SQOR: variants seen among roughly 807,000 people sequenced by gnomAD.
SQOR encodes sulfide:quinone oxidoreductase, mitochondrial.
A neutral mutation model predicts 48.6 loss-of-function variants in SQOR; 39 were observed. That is an observed-to-expected ratio of 0.80 (90% CI 0.62 to 1.05). The LOEUF (loss-of-function observed/expected upper bound fraction) is 1.05. SQOR is among the 50% of genes least tolerant of loss of function. SQOR has a pLI of 0.00. For synonymous variants in SQOR, 220 were observed against 206.2 expected, an observed-to-expected ratio of 1.07 and a Z score of -0.57; for missense variants, 561 against 559.9, an observed-to-expected ratio of 1.00 and a Z score of -0.02.
rs553168322 is a variant in SQOR, at chr15:45,659,817, G to A, written c.234+660G>A. 2.0e-5 allele frequency among the ~76,000 whole-genome samples: 3 copies of A among 152,300 alleles called. No individual in the cohort carries two copies. In the East Asian group the frequency reaches 5.8e-4, roughly 29 times the overall value. ...TAAGGTTACATTCCCAGGTACTGGGGTTAGAACGTCAACATCCTTCTTTGA... is the reference window on the plus strand; with the variant it reads ...TAAGGTTACATTCCCAGGTACTGGGATTAGAACGTCAACATCCTTCTTTGA... On this transcript the variant is annotated intron_variant, in intron 2 of 9. Coordinates refer to ENST00000260324, the MANE Select transcript of SQOR (RefSeq NM_021199.4).
At chr15:45,687,377 G>A (rs138114990) in intron 7 of SQOR, among the ~76,000 whole-genome samples, 61 of 152,334 alleles carry the variant, frequency 4.0e-4, no homozygotes, top group African/African-American at 1.5e-3. Flanking sequence ...CTCCCAAAGT[G>A]TTGGGATTAC....
chr15:45,685,635 C>G (rs1890209053), intron 7 of SQOR, among the ~76,000 whole-genome samples: 1 of 152,318 alleles, frequency 6.6e-6, no homozygotes, highest in Admixed American at 6.5e-5. Flanking sequence ...CCTGGCTCCA[C>G]AGGCCTCACC....
At chr15:45,674,106 A>G (rs1479617645) in intron 5 of SQOR, 1 of 336,826 alleles carries the variant, frequency 3.0e-6, no homozygotes, top group Non-Finnish European at 5.5e-6. Context: ...GTAATATTAA[A>G]TAGTCTTTGT....
At chr15:45,632,950 A>AAAAAT (rs1555399772), upstream of SQOR, among the ~76,000 whole-genome samples, 3 of 151,920 alleles carry the variant, frequency 2.0e-5, no homozygotes, top group African/African-American at 7.3e-5. Context: ...ACAAAAAAAA[A>AAAAAT]AAATAAATAA....
chr15:45,651,248 C>T lies in SQOR; in HGVS notation c.-17-7659C>T, dbSNP rs946434484. Among the ~76,000 whole-genome samples, 87 of 152,190 alleles carry T rather than the reference C, an allele frequency of 5.7e-4. 1 individual carries two copies. The highest frequency in any genetic ancestry group is 1.1e-3 in the Non-Finnish European group (72 of 67,996). The stretch of plus-strand genomic sequence containing the variant: ...GGTGCACCCTCCGCAGCTGCTGGCC[C>T]GTGCTAAGCCCCTCACTGCCCGGGC... On this transcript the variant is annotated intron_variant, in intron 1 of 9. Coordinates refer to ENST00000260324, the MANE Select transcript of SQOR (RefSeq NM_021199.4).
intron 1 of SQOR, among the ~76,000 whole-genome samples, chr15:45,648,183 G>GTT (rs917863011): frequency 5.5e-5 from 8 of 145,806 alleles, no homozygotes; most frequent in Non-Finnish European, 1.1e-4. Flanking sequence ...TTGTTTTTTT[G>GTT]TTTTTTTTTT....
intron 2 of SQOR, among the ~76,000 whole-genome samples, chr15:45,660,425 T>G (rs1007173424): frequency 6.6e-6 from 1 of 152,146 alleles, no homozygotes; most frequent in African/African-American, 2.4e-5. Context: ...TGGCTACTGT[T>G]TCTGGTATAT....
rs199775698 is a variant in SQOR, at chr15:45,666,507, AGTT to A, written c.406-3415_406-3413del. ...ATAATAGTACCTAGATACCTTATGAAGTTGTTGTGAGTGTTAAATGAATGAAAC... is the reference window on the plus strand; with the variant it reads ...ATAATAGTACCTAGATACCTTATGAAGTTGTGAGTGTTAAATGAATGAAAC... On this transcript the variant is annotated intron_variant, in intron 3 of 9. Transcript: ENST00000260324. 4.6e-5 allele frequency among the ~76,000 whole-genome samples: 7 copies of A among 152,186 alleles called. No homozygotes were observed. In the East Asian group the frequency reaches 1.3e-3, roughly 29 times the overall value.
At chr15:45,654,974 A>G (rs915275293) in intron 1 of SQOR, among the ~76,000 whole-genome samples, 1 of 152,218 alleles carries the variant, frequency 6.6e-6, no homozygotes, top group African/African-American at 2.4e-5. Flanking sequence ...TCCTTACTGT[A>G]CACATGGCTG....
chr15:45,670,654 C>T (rs766274930), intron 4 of SQOR, among the ~76,000 whole-genome samples: 9 of 152,294 alleles, frequency 5.9e-5, no homozygotes, highest in South Asian at 2.1e-4. Context: ...CTGTGCTAAC[C>T]GGGTAACAAG....
At chr15:45,649,879 C>G (rs768582144) in intron 1 of SQOR, among the ~76,000 whole-genome samples, 11 of 151,836 alleles carry the variant, frequency 7.2e-5, no homozygotes, top group Admixed American at 2.6e-4. Context: ...TTTTTTGAGA[C>G]AGTCTTCCTG....
chr15:45,681,720 C>A (rs1052908945), intron 6 of SQOR, among the ~76,000 whole-genome samples: 5 of 152,028 alleles, frequency 3.3e-5, no homozygotes, highest in African/African-American at 1.2e-4. Context: ...TAAGAACCAA[C>A]TACAAAACGT....
At chr15:45,639,487 A>C (rs1352092283) in intron 1 of SQOR, among the ~76,000 whole-genome samples, 2 of 152,252 alleles carry the variant, frequency 1.3e-5, no homozygotes, top group Admixed American at 6.5e-5. Context: ...GCTGGGAACC[A>C]GCAGCTCTGG....
chr15:45,632,382 G>A (rs908124153), upstream of SQOR, among the ~76,000 whole-genome samples: 2 of 151,910 alleles, frequency 1.3e-5, no homozygotes. Context: ...ACAATGCCCG[G>A]CTAATTTTTT....
chr15:45,642,025 TAACA>T (rs1182878865), intron 1 of SQOR, among the ~76,000 whole-genome samples: 1 of 152,200 alleles, frequency 6.6e-6, no homozygotes, highest in African/African-American at 2.4e-5. Context: ...TTTCCTGTTA[TAACA>T]GACAGACTCT....
Position 45,682,518 on chromosome 15 carries a change from A to C in SQOR, c.905A>C (p.Asp302Ala). Residue 302 changes from aspartate to alanine, a missense_variant, in exon 7 of 10, where the codon GAT (aspartate) becomes GCT (alanine). By Grantham distance (126) the Asp-to-Ala change is moderately radical (BLOSUM62 -2). Coordinates refer to ENST00000260324, the MANE Select transcript of SQOR (RefSeq NM_021199.4). ...GTCACACCTCCAATGAGCCCACCAG[A>C]TGTCCTCAAGACCAGTCCTGTGGCT... Reference protein sequence around the residue: ...LHVTPPMSPPDVLKTSPVADA... With the variant: ...LHVTPPMSPPAVLKTSPVADA... The C allele has an allele frequency of 6.2e-7, 1 of 1,614,216 alleles. No homozygotes were observed. The highest frequency in any genetic ancestry group is 8.5e-7 in the Non-Finnish European group (1 of 1,180,030).
chr15:45,649,962 G>A (rs1345853267), intron 1 of SQOR, among the ~76,000 whole-genome samples: 2 of 151,718 alleles, frequency 1.3e-5, no homozygotes, highest in African/African-American at 4.8e-5. Flanking sequence ...CCTGCCTCAG[G>A]CTCCCAAGTA....
chr15:45,672,404 G>C (rs1038305605), intron 4 of SQOR, among the ~76,000 whole-genome samples: 1 of 152,108 alleles, frequency 6.6e-6, no homozygotes, highest in Admixed American at 6.6e-5. Flanking sequence ...GACTGCCAAT[G>C]TTACTACTAT....
chr15:45,685,212 A>G (rs182551611), intron 7 of SQOR, among the ~76,000 whole-genome samples: 17 of 152,264 alleles, frequency 1.1e-4, no homozygotes, highest in Admixed American at 6.5e-4. Context: ...CTTCTCTTCA[A>G]TGTCCAAATT....
Sources: gnomAD v4.1 joint callset for allele counts (sites outside exome capture counted in the v4.1 genomes callset) on GRCh38, gnomAD v4.1.1 for gene constraint, MANE v1.5 for transcripts, NCBI Gene and HGNC (gene_info 2026-07-23, HGNC 2026-07-21) for gene names.